GALNTL6: variants seen among roughly 807,000 people sequenced by gnomAD.
GALNTL6 encodes polypeptide N-acetylgalactosaminyltransferase like 6, also known as polypeptide N-acetylgalactosaminyltransferase-like 6.
GALNTL6 carries 46 observed loss-of-function variants against 73.7 expected under a neutral mutation model. The ratio of observed to expected loss-of-function variants is 0.62; its 90% confidence interval spans 0.49 to 0.80. The LOEUF is 0.80. Ranked by LOEUF, GALNTL6 falls within the 30% of genes least tolerant of loss-of-function variation. The probability of loss-of-function intolerance (pLI) is 0.00; values close to 1 mark genes in which losing one functional copy is unlikely to be tolerated. For missense variants in GALNTL6, 604 were observed against 755.0 expected (o/e 0.80, Z 2.34); for synonymous variants, 259 against 263.7 (o/e 0.98, Z 0.17).
At chr4:172,879,707 T>C (rs1745360255) in intron 7 of GALNTL6, among the ~76,000 whole-genome samples, 1 of 151,574 alleles carries the variant, frequency 6.6e-6, no homozygotes, top group African/African-American at 2.4e-5. Context: ...CCACCTTAAA[T>C]AACCAGGAAA....
intron 5 of GALNTL6, among the ~76,000 whole-genome samples, chr4:172,361,764 A>T (rs1742380861): frequency 6.6e-6 from 1 of 152,192 alleles, no homozygotes; most frequent in African/African-American, 2.4e-5. Context: ...GACACAATTT[A>T]CAGGACTCCC....
At chr4:172,053,334 C>G (rs535230827) in intron 2 of GALNTL6, among the ~76,000 whole-genome samples, 79 of 152,014 alleles carry the variant, frequency 5.2e-4, no homozygotes, top group African/African-American at 1.8e-3. Context: ...GGTGCTATCC[C>G]CAGTCATTAT....
At chr4:172,499,906 C>T (rs947668579) in intron 5 of GALNTL6, among the ~76,000 whole-genome samples, 6 of 152,024 alleles carry the variant, frequency 3.9e-5, no homozygotes, top group African/African-American at 7.2e-5. Flanking sequence ...TAGGGAACTA[C>T]GTAAGAGTAG....
rs1233456716 is a variant in GALNTL6 at position 173,006,148 on chromosome 4, T to G, written c.1372-3030T>G. ...TCAAATGCCAGCCGACATAGGAGAG[T>G]AAGCTTCTCCCCTGGGACCCACTGG... On this transcript the variant is annotated intron_variant, in intron 10 of 12. Transcript: ENST00000506823. Among the ~76,000 whole-genome samples, 3 of 151,948 alleles carry G rather than the reference T, an allele frequency of 2.0e-5. No homozygotes were observed. In the East Asian group the frequency reaches 5.8e-4, roughly 29 times the overall value.
At chr4:172,367,297 G>A (rs899478841) in intron 5 of GALNTL6, among the ~76,000 whole-genome samples, 1 of 152,202 alleles carries the variant, frequency 6.6e-6, no homozygotes, top group African/African-American at 2.4e-5. Flanking sequence ...GGTTGCTTAT[G>A]AGGGTGGAAG....
chr4:172,446,931 AT>A (rs1176003302), intron 5 of GALNTL6, among the ~76,000 whole-genome samples: 1 of 152,030 alleles, frequency 6.6e-6, no homozygotes, highest in African/African-American at 2.4e-5. Context: ...ACATGCTATT[AT>A]TTTTCTCAAA....
At chr4:171,921,124 AT>A (rs1327760036) in intron 2 of GALNTL6, among the ~76,000 whole-genome samples, 1 of 151,990 alleles carries the variant, frequency 6.6e-6, no homozygotes, top group African/African-American at 2.4e-5. Flanking sequence ...TTTCATGTCT[AT>A]TTTTTAATGC....
At chr4:172,616,798 G>A (rs544225701) in intron 5 of GALNTL6, among the ~76,000 whole-genome samples, 4 of 152,126 alleles carry the variant, frequency 2.6e-5, no homozygotes, top group East Asian at 1.9e-4. Context: ...CAGGCACCAC[G>A]TCCCTCAGTG....
intron 3 of GALNTL6, among the ~76,000 whole-genome samples, chr4:172,264,647 C>T (rs10010558): frequency 0.6 from 80,438 of 133,672 alleles, 24,241 homozygotes; most frequent in African/African-American, 0.78. Context: ...TGTGTATATA[C>T]GTATAAGTGT....
At chr4:172,767,668 T>C (rs72706892) in intron 5 of GALNTL6, among the ~76,000 whole-genome samples, 17,182 of 61,432 alleles carry the variant, frequency 0.28, 733 homozygotes, top group Middle Eastern at 0.45. Flanking sequence ...ATTTTTTTTC[T>C]TTTTTTTTTT....
chr4:172,167,802 CA>C (rs11310835), intron 2 of GALNTL6, among the ~76,000 whole-genome samples: 52,690 of 135,146 alleles, frequency 0.39, 10,901 homozygotes, highest in African/African-American at 0.53. Flanking sequence ...ACTAAAAATA[CA>C]AAAAAATTAG....
intron 9 of GALNTL6, among the ~76,000 whole-genome samples, chr4:172,948,347 T>C (rs181598051): frequency 1.3e-5 from 2 of 152,340 alleles, no homozygotes; most frequent in East Asian, 3.9e-4. Context: ...GAATCGATGA[T>C]TTCACATGAT....
intron 8 of GALNTL6, among the ~76,000 whole-genome samples, chr4:172,883,140 A>G (rs1362358895): frequency 6.6e-6 from 1 of 152,206 alleles, no homozygotes; most frequent in Non-Finnish European, 1.5e-5. Context: ...TGAAACATGT[A>G]TACAATGCAT....
chr4:172,404,921 C>A (rs996251390), intron 5 of GALNTL6, among the ~76,000 whole-genome samples: 3 of 151,964 alleles, frequency 2.0e-5, no homozygotes, highest in Non-Finnish European at 2.9e-5. Flanking sequence ...CAGGTTGGCT[C>A]CATTGTGACA....
chr4:172,199,455 T>C (rs960359355), intron 2 of GALNTL6, among the ~76,000 whole-genome samples: 6 of 152,204 alleles, frequency 3.9e-5, no homozygotes, highest in Non-Finnish European at 8.8e-5. Context: ...AATTTTGTGC[T>C]TCTGTTTTAG....
chr4:172,983,019 T>C (rs1751138496), intron 10 of GALNTL6, among the ~76,000 whole-genome samples: 2 of 152,106 alleles, frequency 1.3e-5, no homozygotes, highest in Admixed American at 1.3e-4. Context: ...GATGAGAAAT[T>C]AGTTAATGGG....
At chr4:172,653,150 C>A (rs754653771) in intron 5 of GALNTL6, among the ~76,000 whole-genome samples, 2 of 151,704 alleles carry the variant, frequency 1.3e-5, no homozygotes, top group African/African-American at 4.8e-5. Context: ...CAATCTCCTG[C>A]GACTTTCTTC....
intron 2 of GALNTL6, among the ~76,000 whole-genome samples, chr4:171,948,819 G>A (rs1213948700): frequency 6.6e-6 from 1 of 151,980 alleles, no homozygotes; most frequent in Non-Finnish European, 1.5e-5. Flanking sequence ...CTGAAAAATA[G>A]GCAATATCTC....
At chr4:171,967,654 T>C (rs1739430577) in intron 2 of GALNTL6, among the ~76,000 whole-genome samples, 1 of 152,178 alleles carries the variant, frequency 6.6e-6, no homozygotes, top group African/African-American at 2.4e-5. Flanking sequence ...ATTGCACTTA[T>C]TTTGTAATAC....
Sources: allele counts gnomAD v4.1 joint callset (sites outside exome capture counted in the v4.1 genomes callset), GRCh38; gene constraint gnomAD v4.1.1; transcripts MANE v1.5; gene names NCBI Gene and HGNC (gene_info 2026-07-23, HGNC 2026-07-21).